Variants in DLG2 observed in about 807,000 individuals in gnomAD.
The protein encoded by DLG2 is disks large homolog 2.
Under a neutral mutation model 132.5 loss-of-function variants are expected in DLG2, and 45 were observed. The observed-to-expected ratio is 0.34, with a 90% CI of 0.27 to 0.44. The LOEUF (loss-of-function observed/expected upper bound fraction) is 0.44. Ranked by LOEUF, DLG2 falls within the 20% of genes least tolerant of loss-of-function variation. The pLI, the probability that DLG2 is intolerant of heterozygous loss-of-function variation, is 1.00. For missense variants in DLG2, 1,045 were observed against 1,196.9 expected (o/e 0.87, Z 1.87); for synonymous variants, 424 against 419.6 (o/e 1.01, Z -0.13).
intron 18 of DLG2, among the ~76,000 whole-genome samples, chr11:83,668,012 A>G (rs2076007995): frequency 7.2e-6 from 1 of 138,004 alleles, no homozygotes; most frequent in African/African-American, 2.6e-5. Context: ...TTAAAGGAAG[A>G]GGGAAATGAC....
At chr11:84,063,668 G>A (rs1284667749) in intron 10 of DLG2, among the ~76,000 whole-genome samples, 1 of 152,102 alleles carries the variant, frequency 6.6e-6, no homozygotes, top group African/African-American at 2.4e-5. Flanking sequence ...GCACACGTAT[G>A]TTTATTGCGG....
chr11:84,941,868 C>T (rs188335977), intron 6 of DLG2, among the ~76,000 whole-genome samples: 52 of 152,154 alleles, frequency 3.4e-4, no homozygotes, highest in Admixed American at 1.1e-3. Context: ...GAAGACATCA[C>T]GTCCTGGGCT....
At chr11:84,721,908 T>C (rs1253145694) in intron 6 of DLG2, among the ~76,000 whole-genome samples, 23 of 152,258 alleles carry the variant, frequency 1.5e-4, no homozygotes, top group Admixed American at 1.5e-3. Flanking sequence ...TAAGCCCCAG[T>C]ACATGGTAGC....
chr11:84,680,765 G>A (rs577573859), intron 6 of DLG2, among the ~76,000 whole-genome samples: 1 of 152,272 alleles, frequency 6.6e-6, no homozygotes, highest in African/African-American at 2.4e-5. Flanking sequence ...AGAATAAAAG[G>A]AAATGTTAAC....
At chr11:85,297,669 G>A (rs1367293443) in intron 3 of DLG2, among the ~76,000 whole-genome samples, 1 of 150,204 alleles carries the variant, frequency 6.7e-6, no homozygotes, top group Non-Finnish European at 1.5e-5. Flanking sequence ...GAACAATTCA[G>A]TCCCAAAGCC....
intron 8 of DLG2, among the ~76,000 whole-genome samples, chr11:84,198,855 G>A (rs1029859308): frequency 6.6e-6 from 1 of 152,128 alleles, no homozygotes; most frequent in Non-Finnish European, 1.5e-5. Flanking sequence ...CATACATTTT[G>A]TAGGACTACT....
chr11:83,857,706 A>G (rs980903647), intron 16 of DLG2, among the ~76,000 whole-genome samples: 32 of 152,204 alleles, frequency 2.1e-4, no homozygotes, highest in African/African-American at 6.8e-4. Flanking sequence ...GTATCAATGT[A>G]GCATAATCAA....
intron 7 of DLG2, among the ~76,000 whole-genome samples, chr11:84,338,539 A>T (rs2098498686): frequency 1.3e-5 from 2 of 152,176 alleles, no homozygotes; most frequent in Non-Finnish European, 1.5e-5. Context: ...AAGTGGTGAT[A>T]TTAGTCCGGG....
chr11:85,211,956 A>G (rs1402603820), intron 4 of DLG2, among the ~76,000 whole-genome samples: 2 of 152,136 alleles, frequency 1.3e-5, no homozygotes, highest in East Asian at 1.9e-4. Context: ...GCTGTATAAA[A>G]TAATGACTGA....
At position 84,258,263 on chromosome 11, in the gene DLG2, A is replaced by G. The variant is rs2097505781; in HGVS notation, c.520-6972T>C. Among the ~76,000 whole-genome samples, 3 of 152,208 alleles carry G rather than the reference A, an allele frequency of 2.0e-5. No individual in the cohort carries two copies. The South Asian group carries it at 6.2e-4, about 31-fold the overall frequency. Reference sequence around the variant, plus strand: ...TTAAAGACACATCGATGGTTGTGTAAGAGAGGAAGAACAAAATAGGAAGAA... The same window carrying G: ...TTAAAGACACATCGATGGTTGTGTAGGAGAGGAAGAACAAAATAGGAAGAA... On this transcript the variant is annotated intron_variant, in intron 7 of 27. Coordinates refer to ENST00000376104, the MANE Select transcript of DLG2 (RefSeq NM_001142699.3).
intron 9 of DLG2, among the ~76,000 whole-genome samples, chr11:84,121,934 GAT>G (rs748995691): frequency 7.9e-5 from 12 of 151,616 alleles, no homozygotes; most frequent in Non-Finnish European, 1.3e-4. Context: ...GAGAGATAGA[GAT>G]AGAGTAGGAC....
At chr11:83,975,336 C>T (rs955790561) in intron 12 of DLG2, among the ~76,000 whole-genome samples, 1 of 152,004 alleles carries the variant, frequency 6.6e-6, no homozygotes, top group Non-Finnish European at 1.5e-5. Flanking sequence ...TCCAATGTCA[C>T]TGTCACTTTA....
chr11:84,835,016 C>T (rs2079554414), intron 6 of DLG2, among the ~76,000 whole-genome samples: 1 of 151,606 alleles, frequency 6.6e-6, no homozygotes, highest in East Asian at 1.9e-4. Context: ...GTGATGTGCA[C>T]CTACCTCTAA....
chr11:85,607,470 C>A lies in DLG2; in HGVS notation c.-92-8682G>T, dbSNP rs537343401. On this transcript the variant is annotated intron_variant, in intron 2 of 27. Coordinates refer to ENST00000376104, the MANE Select transcript of DLG2 (RefSeq NM_001142699.3). ...TCTATCTTGATCCTTGCCCCCGGGT[C>A]CTAACGCCTGCCAGATAAACTTCCT... 2.0e-5 allele frequency among the ~76,000 whole-genome samples: 3 copies of A among 152,318 alleles called. No individual in the cohort carries two copies. The South Asian group carries it at 6.2e-4, about 32-fold the overall frequency.
intron 3 of DLG2, among the ~76,000 whole-genome samples, chr11:85,344,760 T>C (rs2082715652): frequency 6.6e-6 from 1 of 152,206 alleles, no homozygotes; most frequent in South Asian, 2.1e-4. Flanking sequence ...TTCTCATTTT[T>C]ATTTAGTATT....
At chr11:84,744,846 T>C (rs2065143199) in intron 6 of DLG2, among the ~76,000 whole-genome samples, 2 of 151,388 alleles carry the variant, frequency 1.3e-5, no homozygotes, top group Admixed American at 6.6e-5. Flanking sequence ...AGGAATTTTT[T>C]TGAACTACGA....
intron 3 of DLG2, among the ~76,000 whole-genome samples, chr11:85,373,572 C>A (rs1251940514): frequency 6.6e-6 from 1 of 152,064 alleles, no homozygotes. Flanking sequence ...TGGGGTGGAG[C>A]CTCAGGAAGT....
intron 6 of DLG2, among the ~76,000 whole-genome samples, chr11:84,543,427 C>A (rs888839768): frequency 2.6e-5 from 4 of 152,268 alleles, no homozygotes; most frequent in Middle Eastern, 3.4e-3. Context: ...TTTCAGGGCA[C>A]CCTGTCCTTA....
intron 16 of DLG2, among the ~76,000 whole-genome samples, chr11:83,858,201 C>T (rs2060863791): frequency 6.6e-6 from 1 of 152,128 alleles, no homozygotes; most frequent in Non-Finnish European, 1.5e-5. Context: ...TTCCCAAGCC[C>T]TGCTTGCTGC....
Sources: gnomAD v4.1 joint callset for allele counts (sites outside exome capture counted in the v4.1 genomes callset) on GRCh38, gnomAD v4.1.1 for gene constraint, MANE v1.5 for transcripts, NCBI Gene and HGNC (gene_info 2026-07-23, HGNC 2026-07-21) for gene names.